Variants in DMD observed in about 807,000 individuals in gnomAD.
DMD encodes mutant dystrophin.
In DMD, 63 loss-of-function variants were observed where a neutral mutation model predicts 330.1. The ratio of observed to expected loss-of-function variants is 0.19; its 90% CI spans 0.16 to 0.24. The LOEUF is 0.24. Ranked by LOEUF, DMD falls within the 10% of genes least tolerant of loss-of-function variation. The pLI is 1.00. For synonymous variants in DMD, 1,223 were observed against 959.8 expected (o/e 1.27, Z -5.07); for missense variants, 3,344 against 2,684.1 (o/e 1.25, Z -5.43).
rs147782524 is a variant in DMD at position 32,907,902 on chromosome X, A to C, written c.94-58082T>G. The stretch of plus-strand genomic sequence containing the variant: ...TTCATAAGAACATAGCTCTTCATTC[A>C]CTTATCTTGGTCGTAAATACTGTTA... On this transcript the variant is annotated intron_variant, in intron 2 of 78. Transcript: ENST00000357033. Among the ~76,000 whole-genome samples, 397 of 111,600 alleles carry C rather than the reference A, an allele frequency of 3.6e-3. 1 individual carries two copies. The highest frequency in any genetic ancestry group is 0.012 in the African/African-American group (371 of 30,779).
chrX:32,221,749 CTCTG>C (rs1417595904), intron 43 of DMD, among the ~76,000 whole-genome samples: 2 of 111,758 alleles, frequency 1.8e-5, no homozygotes, highest in African/African-American at 6.5e-5. Context: ...CATTCTACCA[CTCTG>C]TCTGCCTTTG....
In DMD at chrX:32,342,932, A is replaced by G; in HGVS notation, c.5739+202T>C. The G allele has an allele frequency of 8.3e-6, 4 of 482,739 alleles. No individual in the cohort carries two copies. In the South Asian group the frequency reaches 1.1e-4, roughly 13 times the overall value. 39.8% of individuals were successfully genotyped at this position (482,739 alleles called of 1,213,427 possible). A position where few individuals can be genotyped will look rare whatever the true frequency, so the allele number is the denominator to read the frequency against. On this transcript the variant is annotated intron_variant, in intron 40 of 78. Coordinates refer to ENST00000357033, the MANE Select transcript of DMD (RefSeq NM_004006.3). ...CTTAAATCACTTTACATAGTCTAAAACATTTTATTCATTCAACATTACGTC... is the reference window on the plus strand; with the variant it reads ...CTTAAATCACTTTACATAGTCTAAAGCATTTTATTCATTCAACATTACGTC...
chrX:31,977,067 C>T (rs988937063), intron 44 of DMD, among the ~76,000 whole-genome samples: 3 of 111,417 alleles, frequency 2.7e-5, no homozygotes, highest in East Asian at 5.7e-4. Context: ...ATGAATTTGG[C>T]GAAATGGTAA....
intron 7 of DMD, among the ~76,000 whole-genome samples, chrX:32,732,038 T>G (rs140847852): frequency 0.017 from 1,858 of 110,809 alleles, 43 homozygotes; most frequent in African/African-American, 0.057. Context: ...AATGTATAAG[T>G]AGAATAACCA....
chrX:32,314,355 G>A (rs1200638929), intron 41 of DMD, among the ~76,000 whole-genome samples: 3 of 110,789 alleles, frequency 2.7e-5, no homozygotes, highest in Non-Finnish European at 5.7e-5. Context: ...TGCAGAAAAC[G>A]GAAACTAGAC....
intron 1 of DMD, among the ~76,000 whole-genome samples, chrX:33,065,344 A>G (rs1228976932): frequency 1.8e-5 from 2 of 112,645 alleles, no homozygotes; most frequent in Non-Finnish European, 3.7e-5. Context: ...AATGTTTGAT[A>G]TGTTAAATAT....
At chrX:32,577,636 G>C (rs1048191181) in intron 13 of DMD, among the ~76,000 whole-genome samples, 7 of 112,198 alleles carry the variant, frequency 6.2e-5, no homozygotes, top group African/African-American at 2.3e-4. Flanking sequence ...ACTGTAGAAA[G>C]GCACCCATTA....
chrX:32,420,983 G>A (rs5972563), intron 29 of DMD, among the ~76,000 whole-genome samples: 25 of 111,396 alleles, frequency 2.2e-4, no homozygotes, highest in African/African-American at 6.2e-4. Flanking sequence ...GGATTTTGCC[G>A]GCCTCTGTGG....
At chrX:31,314,764 G>GAAAGAGAGAGAGAGAA (rs1424885557) in intron 62 of DMD, among the ~76,000 whole-genome samples, 1 of 96,327 alleles carries the variant, frequency 1.0e-5, no homozygotes, top group East Asian at 3.2e-4. Flanking sequence ...GAGAGAGAGA[G>GAAAGAGAGAGAGAGAA]AGAGAGAGAG....
chrX:33,032,559 T>C (rs761560005), intron 1 of DMD, among the ~76,000 whole-genome samples: 2 of 112,175 alleles, frequency 1.8e-5, no homozygotes, highest in African/African-American at 3.2e-5. Flanking sequence ...GGGTTTTAAA[T>C]GAAGTATTAA....
intron 44 of DMD, among the ~76,000 whole-genome samples, chrX:32,130,034 T>C (rs1032246747): frequency 9.1e-6 from 1 of 109,468 alleles, no homozygotes; most frequent in Non-Finnish European, 1.9e-5. Context: ...GCTGGCTTTT[T>C]TCCCCCTTAC....
At chrX:31,953,650 T>C (rs1326217098) in intron 45 of DMD, among the ~76,000 whole-genome samples, 3 of 111,601 alleles carry the variant, frequency 2.7e-5, no homozygotes, top group Non-Finnish European at 3.8e-5. Context: ...AGAAGTCATG[T>C]ACCCAGACAC....
intron 61 of DMD, among the ~76,000 whole-genome samples, chrX:31,333,916 G>C (rs1311817146): frequency 5.4e-5 from 6 of 110,820 alleles, no homozygotes; most frequent in Admixed American, 1.9e-4. Flanking sequence ...ACACGAAACT[G>C]GAAAGGGAGA....
At chrX:32,461,109 TG>T (rs895511287) in intron 25 of DMD, among the ~76,000 whole-genome samples, 4 of 111,891 alleles carry the variant, frequency 3.6e-5, no homozygotes, top group Admixed American at 9.5e-5. Context: ...TGGACAATTT[TG>T]TTTCAAATTA....
At chrX:33,009,169 T>C (rs776208032) in intron 2 of DMD, among the ~76,000 whole-genome samples, 2 of 44,050 alleles carry the variant, frequency 4.5e-5, no homozygotes, top group African/African-American at 1.9e-4. Flanking sequence ...TATGTATATA[T>C]ATGTGTATAT....
intron 1 of DMD, among the ~76,000 whole-genome samples, chrX:33,107,181 G>A (rs2095295762): frequency 9.1e-6 from 1 of 110,125 alleles, no homozygotes; most frequent in East Asian, 2.9e-4. Context: ...CTGTGGTGGC[G>A]GATGCCTGTA....
intron 1 of DMD, among the ~76,000 whole-genome samples, chrX:33,237,849 A>G (rs1406737568): frequency 8.9e-6 from 1 of 112,243 alleles, no homozygotes; most frequent in Non-Finnish European, 1.9e-5. Flanking sequence ...ATTTAGTAAT[A>G]AAAACTGAGA....
intron 44 of DMD, among the ~76,000 whole-genome samples, chrX:32,143,063 A>G (rs1206465272): frequency 1.8e-5 from 2 of 110,278 alleles, no homozygotes; most frequent in Non-Finnish European, 3.8e-5. Context: ...AGATATCGAC[A>G]ACTTTTATAG....
intron 16 of DMD, among the ~76,000 whole-genome samples, chrX:32,554,703 G>A (rs1156817101): frequency 9.5e-6 from 1 of 105,096 alleles, no homozygotes; most frequent in African/African-American, 3.4e-5. Flanking sequence ...AGAAGAGCTG[G>A]TATCATTTCC....
Sources: allele counts gnomAD v4.1 joint callset (sites outside exome capture counted in the v4.1 genomes callset), GRCh38; gene constraint gnomAD v4.1.1; transcripts MANE v1.5; gene names NCBI Gene and HGNC (gene_info 2026-07-23, HGNC 2026-07-21).